DLGAP2: variants seen among roughly 807,000 people sequenced by gnomAD.
The protein encoded by DLGAP2 is DLG associated protein 2, also known as disks large-associated protein 2.
DLGAP2 carries 26 observed loss-of-function variants against 100.3 expected under a neutral mutation model. The ratio of observed to expected loss-of-function variants is 0.26; its 90% CI spans 0.19 to 0.36. The LOEUF is 0.36. Among genes scored for constraint, DLGAP2 ranks in the 10% least tolerant of loss-of-function variants. The pLI is 1.00. For synonymous variants in DLGAP2, 886 were observed against 630.1 expected, an observed-to-expected ratio of 1.41 and a Z score of -6.08; for missense variants, 1,858 against 1,453.2, an observed-to-expected ratio of 1.28 and a Z score of -4.53.
At chr8:1,187,035 T>G (rs1421599779) in intron 2 of DLGAP2, among the ~76,000 whole-genome samples, 1 of 151,738 alleles carries the variant, frequency 6.6e-6, no homozygotes, top group Non-Finnish European at 1.5e-5. Flanking sequence ...TCGTGGGCCT[T>G]TCCCAGGCCC....
At chr8:857,409 G>A (rs979455318) in intron 1 of DLGAP2, among the ~76,000 whole-genome samples, 23 of 152,156 alleles carry the variant, frequency 1.5e-4, no homozygotes, top group Admixed American at 3.9e-4. Flanking sequence ...AGTCCAGACC[G>A]GGAGAAAATA....
chr8:858,347 G>C (rs948642205), intron 1 of DLGAP2, among the ~76,000 whole-genome samples: 10 of 152,282 alleles, frequency 6.6e-5, no homozygotes, highest in African/African-American at 2.4e-4. Context: ...CGCAATGTAG[G>C]ATTCCGACTG....
At chr8:1,258,115 C>G (rs6994931) in intron 2 of DLGAP2, among the ~76,000 whole-genome samples, 2 of 152,186 alleles carry the variant, frequency 1.3e-5, no homozygotes, top group African/African-American at 4.8e-5. Flanking sequence ...GACCTACATA[C>G]AGGGGACTCA....
chr8:1,131,139 A>T (rs1420941988), intron 2 of DLGAP2, among the ~76,000 whole-genome samples: 1 of 152,162 alleles, frequency 6.6e-6, no homozygotes, highest in Non-Finnish European at 1.5e-5. Flanking sequence ...AAAAGCAGTA[A>T]TTCTACCTTC....
chr8:1,533,506 C>CAA (rs397963380), intron 4 of DLGAP2, among the ~76,000 whole-genome samples: 2 of 139,172 alleles, frequency 1.4e-5, no homozygotes, highest in African/African-American at 5.2e-5. Context: ...ACTCTGTCTC[C>CAA]AAAAAAAAAA....
intron 1 of DLGAP2, among the ~76,000 whole-genome samples, chr8:742,047 C>T (rs1396064667): frequency 6.6e-6 from 1 of 152,212 alleles, no homozygotes; most frequent in Non-Finnish European, 1.5e-5. Context: ...ATGCCTGAAC[C>T]ATCATTACCC....
intron 2 of DLGAP2, among the ~76,000 whole-genome samples, chr8:1,084,308 C>G (rs973035849): frequency 1.3e-5 from 2 of 152,260 alleles, no homozygotes; most frequent in South Asian, 2.1e-4. Context: ...TAAACTGGTG[C>G]TATGATTTAT....
At chr8:1,661,837 C>T (rs1045604128) in intron 8 of DLGAP2, among the ~76,000 whole-genome samples, 8 of 152,202 alleles carry the variant, frequency 5.3e-5, no homozygotes, top group African/African-American at 1.9e-4. Flanking sequence ...CATAAACATC[C>T]GCCCTATGGG....
intron 2 of DLGAP2, among the ~76,000 whole-genome samples, chr8:1,191,969 C>T (rs1364741791): frequency 1.3e-5 from 2 of 152,192 alleles, no homozygotes; most frequent in African/African-American, 4.8e-5. Flanking sequence ...GCAATGACTT[C>T]AAAACTTAAC....
At chr8:1,597,073 T>G (rs1190497152) in intron 6 of DLGAP2, among the ~76,000 whole-genome samples, 1 of 152,222 alleles carries the variant, frequency 6.6e-6, no homozygotes, top group African/African-American at 2.4e-5. Flanking sequence ...AGTTTCAGTT[T>G]TCTGCATATA....
chr8:1,253,571 C>G (rs1055974639), intron 2 of DLGAP2, among the ~76,000 whole-genome samples: 1 of 152,214 alleles, frequency 6.6e-6, no homozygotes, highest in Non-Finnish European at 1.5e-5. Context: ...AAATAAGGCA[C>G]CTTGTGCCAG....
intron 6 of DLGAP2, among the ~76,000 whole-genome samples, chr8:1,576,264 T>G (rs1258176161): frequency 6.6e-6 from 1 of 152,254 alleles, no homozygotes; most frequent in Non-Finnish European, 1.5e-5. Context: ...CATAAATGTC[T>G]TCTTTTGAGA....
At chr8:1,576,784 G>A (rs1235249106) in intron 6 of DLGAP2, among the ~76,000 whole-genome samples, 1 of 152,096 alleles carries the variant, frequency 6.6e-6, no homozygotes, top group Admixed American at 6.5e-5. Context: ...TAGATGTGTG[G>A]TATTATTTCT....
chr8:1,044,385 C>G (rs1802458613), intron 2 of DLGAP2, among the ~76,000 whole-genome samples: 1 of 152,362 alleles, frequency 6.6e-6, no homozygotes, highest in Non-Finnish European at 1.5e-5. Context: ...GAGCCTCCAT[C>G]TCTCCTCCAC....
At chr8:868,467 T>C (rs1797538114) in intron 1 of DLGAP2, among the ~76,000 whole-genome samples, 1 of 152,244 alleles carries the variant, frequency 6.6e-6, no homozygotes, top group African/African-American at 2.4e-5. Context: ...AGGTCCCTGG[T>C]TGGCGCACGG....
intron 3 of DLGAP2, among the ~76,000 whole-genome samples, chr8:1,430,814 C>T (rs1056928336): frequency 7.9e-5 from 12 of 152,154 alleles, no homozygotes; most frequent in African/African-American, 2.9e-4. Context: ...AAAGGACGAC[C>T]CTGACACGTC....
chr8:1,299,631 A>T (rs1037057299), intron 3 of DLGAP2, among the ~76,000 whole-genome samples: 3 of 152,166 alleles, frequency 2.0e-5, no homozygotes, highest in Non-Finnish European at 4.4e-5. Flanking sequence ...TTGTCTTCTG[A>T]TGTTGGCTGC....
chr8:1,539,403 C>G (rs1255636943), intron 4 of DLGAP2, among the ~76,000 whole-genome samples: 1 of 152,128 alleles, frequency 6.6e-6, no homozygotes, highest in African/African-American at 2.4e-5. Context: ...CACACCATTA[C>G]AACACTGGCG....
intron 2 of DLGAP2, among the ~76,000 whole-genome samples, chr8:1,163,518 G>C (rs548565868): frequency 1.3e-5 from 2 of 152,248 alleles, no homozygotes; most frequent in African/African-American, 4.8e-5. Flanking sequence ...AAAGACTCGG[G>C]AGCTGTAGGA....
Sources: gnomAD v4.1 joint callset for allele counts (sites outside exome capture counted in the v4.1 genomes callset) on GRCh38, gnomAD v4.1.1 for gene constraint, MANE v1.5 for transcripts, NCBI Gene and HGNC (gene_info 2026-07-23, HGNC 2026-07-21) for gene names.